The following CCDC102B variants were observed in gnomAD, a reference collection of about 807,000 sequenced individuals.
CCDC102B encodes the protein coiled-coil domain containing 102B, also known as coiled-coil domain-containing protein 102B.
A neutral mutation model predicts 57.4 loss-of-function variants in CCDC102B; 75 were observed. That is an observed-to-expected ratio of 1.31 (90% CI 1.08 to 1.58). The LOEUF (loss-of-function observed/expected upper bound fraction) is 1.58. Ranked by LOEUF, CCDC102B falls within the 40% of genes most tolerant of loss-of-function variation. The pLI is 0.00. For synonymous variants in CCDC102B, 206 were observed against 201.9 expected (o/e 1.02, Z -0.17); for missense variants, 636 against 582.6 (o/e 1.09, Z -0.94).
chr18:68,805,962 T>C (rs1464261810), intron 1 of CCDC102B, among the ~76,000 whole-genome samples: 1 of 152,152 alleles, frequency 6.6e-6, no homozygotes, highest in Non-Finnish European at 1.5e-5. Context: ...ATGTAACATT[T>C]TGATCAGTCC....
At chr18:69,053,927 T>G (rs920901080) in intron 7 of CCDC102B, 103 bp from the exon 8 acceptor site, 2 of 890,888 alleles carry the variant, frequency 2.2e-6, no homozygotes, top group Non-Finnish European at 3.4e-6. Flanking sequence ...ATCTATTCTC[T>G]TAGCAATTTT....
At chr18:68,926,542 C>A (rs1376957062) in intron 6 of CCDC102B, among the ~76,000 whole-genome samples, 1 of 151,686 alleles carries the variant, frequency 6.6e-6, no homozygotes, top group Admixed American at 6.6e-5. Flanking sequence ...TTAGAAACAC[C>A]TGCAATAGAC....
At chr18:68,741,306 C>G (rs1250651980) in intron 2 of CCDC102B, among the ~76,000 whole-genome samples, 1 of 152,172 alleles carries the variant, frequency 6.6e-6, no homozygotes, top group Non-Finnish European at 1.5e-5. Flanking sequence ...GGGGTCAAGC[C>G]AGTGTTAGCT....
chr18:68,870,434 A>G (rs2039195086), intron 4 of CCDC102B, among the ~76,000 whole-genome samples: 1 of 152,196 alleles, frequency 6.6e-6, no homozygotes, highest in Non-Finnish European at 1.5e-5. Flanking sequence ...CTAAATGGAA[A>G]GTATCGAGCA....
intron 6 of CCDC102B, among the ~76,000 whole-genome samples, chr18:68,978,226 T>C (rs2050491121): frequency 6.6e-6 from 1 of 152,040 alleles, no homozygotes; most frequent in African/African-American, 2.4e-5. Flanking sequence ...ATAAATTCTT[T>C]CTGAAACTTC....
At chr18:68,965,332 C>A (rs2050141556) in intron 6 of CCDC102B, among the ~76,000 whole-genome samples, 1 of 151,264 alleles carries the variant, frequency 6.6e-6, no homozygotes, top group Non-Finnish European at 1.5e-5. Flanking sequence ...TTTGTTCCCC[C>A]TATTTTGCTG....
In CCDC102B at chr18:68,757,974, T is replaced by A. The variant is rs193040629; in HGVS notation, c.-67+41380T>A. ...TACAAAAACAGCAGTGGTAGCTGTG[T>A]CCCACAGACTTTGTATTAAAGATAG... On this transcript the variant is annotated intron_variant, in intron 2 of 3. Coordinates refer to the CCDC102B transcript ENST00000578970. 1.2e-3 allele frequency among the ~76,000 whole-genome samples: 189 copies of A among 151,862 alleles called. 2 individuals are homozygous for A. The highest frequency in any genetic ancestry group is 2.3e-3 in the Admixed American group (35 of 15,238).
intron 4 of CCDC102B, among the ~76,000 whole-genome samples, chr18:68,858,500 G>T (rs934549440): frequency 6.6e-6 from 1 of 151,868 alleles, no homozygotes; most frequent in East Asian, 1.9e-4. Flanking sequence ...CCTCCTCTTT[G>T]CCAGGAACTC....
chr18:68,798,729 T>C (rs2035725310), intron 1 of CCDC102B, among the ~76,000 whole-genome samples: 1 of 152,078 alleles, frequency 6.6e-6, no homozygotes, highest in Non-Finnish European at 1.5e-5. Context: ...ATGCTACCTG[T>C]ATAGTGTGGA....
At chr18:68,958,658 T>G (rs1047620620) in intron 6 of CCDC102B, among the ~76,000 whole-genome samples, 2 of 152,180 alleles carry the variant, frequency 1.3e-5, no homozygotes, top group Admixed American at 1.3e-4. Flanking sequence ...GGCTATTTTC[T>G]TGATCTTATA....
intron 6 of CCDC102B, 40 bp downstream of exon 6, chr18:68,897,468 T>C (rs199691487): frequency 1.2e-5 from 19 of 1,594,208 alleles, no homozygotes; most frequent in African/African-American, 1.3e-5. Flanking sequence ...CTGTCTAATC[T>C]CACTCTGATG....
chr18:68,977,555 CT>C (rs1312067230), intron 6 of CCDC102B, among the ~76,000 whole-genome samples: 3 of 147,826 alleles, frequency 2.0e-5, no homozygotes, highest in Non-Finnish European at 4.5e-5. Flanking sequence ...AACTATAGCA[CT>C]AAAAAAAAAA....
At chr18:68,902,105 C>T (rs2040475683) in intron 6 of CCDC102B, 1 of 152,124 alleles carries the variant, frequency 6.6e-6, no homozygotes, top group Non-Finnish European at 1.5e-5. Flanking sequence ...ACCCTTGCAT[C>T]GAATCACTCA....
intron 2 of CCDC102B, among the ~76,000 whole-genome samples, chr18:68,785,926 A>C (rs1311622167): frequency 6.6e-6 from 1 of 151,332 alleles, no homozygotes; most frequent in Non-Finnish European, 1.5e-5. Context: ...TGAATGGTAA[A>C]GCCTAGGTTT....
chr18:68,853,926 C>A (rs555654728), intron 4 of CCDC102B, among the ~76,000 whole-genome samples: 76 of 152,198 alleles, frequency 5.0e-4, no homozygotes, highest in African/African-American at 1.3e-3. Context: ...GAGAACTAGA[C>A]AAGAGATGTG....
intron 7 of CCDC102B, among the ~76,000 whole-genome samples, chr18:69,044,011 C>T (rs145833155): frequency 1.1e-3 from 162 of 152,154 alleles, no homozygotes; most frequent in African/African-American, 3.8e-3. Context: ...AAAACATTCC[C>T]AGCTATTGCA....
chr18:68,983,964 A>C (rs1216831628), intron 6 of CCDC102B, among the ~76,000 whole-genome samples: 1 of 152,104 alleles, frequency 6.6e-6, no homozygotes, highest in South Asian at 2.1e-4. Context: ...TTCAAGAAAA[A>C]AAATTCCAAA....
In CCDC102B at chr18:68,760,866, T is replaced by C. The variant is rs545449613; in HGVS notation, c.-67+44272T>C. ...TGAATTGAAAACTTTTCAGGATAGCTAGATGGCAGGGTTTGCCTAACCTAA... is the reference window on the plus strand; with the variant it reads ...TGAATTGAAAACTTTTCAGGATAGCCAGATGGCAGGGTTTGCCTAACCTAA... On this transcript the variant is annotated intron_variant, in intron 2 of 3. Coordinates refer to the CCDC102B transcript ENST00000578970. Among the ~76,000 whole-genome samples, 45 of 152,168 alleles carry C rather than the reference T, an allele frequency of 3.0e-4. 2 individuals are homozygous for C. The South Asian group carries it at 9.4e-3, about 32-fold the overall frequency.
intron 6 of CCDC102B, among the ~76,000 whole-genome samples, chr18:68,917,977 C>T (rs1568330325): frequency 6.6e-6 from 1 of 150,990 alleles, no homozygotes; most frequent in Non-Finnish European, 1.5e-5. Context: ...AAATAATGCA[C>T]ACATACATAT....
Sources: allele counts gnomAD v4.1 joint callset (sites outside exome capture counted in the v4.1 genomes callset), GRCh38; gene constraint gnomAD v4.1.1; transcripts MANE v1.5; gene names NCBI Gene and HGNC (gene_info 2026-07-23, HGNC 2026-07-21).